The following TBC1D8 variants were observed in gnomAD, a reference collection of about 807,000 sequenced individuals.
TBC1D8 encodes TBC1 domain family member 8.
TBC1D8 carries 65 observed loss-of-function variants against 118.8 expected under a neutral mutation model. The ratio of observed to expected loss-of-function variants is 0.55; its 90% CI spans 0.45 to 0.67. The LOEUF (loss-of-function observed/expected upper bound fraction) is 0.67, where lower values mean the gene tolerates loss of function less well. Among genes scored for constraint, TBC1D8 ranks in the 30% least tolerant of loss-of-function variants. The pLI, the probability that TBC1D8 is intolerant of heterozygous loss-of-function variation, is 0.00. For missense variants in TBC1D8, 1,376 were observed against 1,471.2 expected (o/e 0.94, Z 1.06); for synonymous variants, 566 against 595.8 (o/e 0.95, Z 0.73).
intron 1 of TBC1D8, among the ~76,000 whole-genome samples, chr2:101,118,425 A>C (rs140472506): frequency 6.6e-6 from 1 of 152,156 alleles, no homozygotes; most frequent in Non-Finnish European, 1.5e-5. Flanking sequence ...AGCCGGGCAC[A>C]GTGGCTCATG....
At chr2:101,145,246 G>A (rs1376675463) in intron 1 of TBC1D8, among the ~76,000 whole-genome samples, 1 of 152,040 alleles carries the variant, frequency 6.6e-6, no homozygotes, top group African/African-American at 2.4e-5. Context: ...TGCAACTCTT[G>A]GAAACCTCAA....
intron 1 of TBC1D8, among the ~76,000 whole-genome samples, chr2:101,101,414 T>C (rs964117720): frequency 4.6e-5 from 7 of 152,290 alleles, no homozygotes; most frequent in African/African-American, 1.7e-4. Flanking sequence ...CTGGCGAGGC[T>C]GTGGAGAAAT....
At chr2:101,061,979 G>A (rs1475074031) in intron 2 of TBC1D8, among the ~76,000 whole-genome samples, 3 of 152,222 alleles carry the variant, frequency 2.0e-5, no homozygotes, top group Non-Finnish European at 4.4e-5. Flanking sequence ...TGGTTCCTCA[G>A]CTGGTCGTAA....
chr2:101,142,712 A>T (rs994134823), intron 1 of TBC1D8, among the ~76,000 whole-genome samples: 8 of 152,228 alleles, frequency 5.3e-5, no homozygotes, highest in African/African-American at 4.8e-5. Context: ...ACAAAAACAC[A>T]CAAAACTGAA....
intron 2 of TBC1D8, among the ~76,000 whole-genome samples, chr2:101,080,606 C>T (rs1347983444): frequency 2.6e-5 from 4 of 152,164 alleles, no homozygotes; most frequent in South Asian, 4.1e-4. Context: ...CTGACACACC[C>T]GCAGTGTTAC....
intron 11 of TBC1D8, 131 bp downstream of exon 11, chr2:101,032,137 C>T: frequency 1.2e-6 from 1 of 822,666 alleles, no homozygotes; most frequent in Non-Finnish European, 1.9e-6. Flanking sequence ...ATTCAGGAGT[C>T]AAACTGTGTT....
At chr2:101,076,273 A>G (rs1674810016) in intron 2 of TBC1D8, among the ~76,000 whole-genome samples, 1 of 152,220 alleles carries the variant, frequency 6.6e-6, no homozygotes, top group African/African-American at 2.4e-5. Context: ...TTCATGATCC[A>G]TAGAGAAAAA....
intron 5 of TBC1D8, among the ~76,000 whole-genome samples, chr2:101,047,208 G>A (rs1305851455): frequency 6.6e-6 from 1 of 152,148 alleles, no homozygotes; most frequent in African/African-American, 2.4e-5. Flanking sequence ...TCCCACGCCT[G>A]GCAACTCCAA....
At chr2:101,011,074 T>C in intron 18 of TBC1D8, 48 bp from the exon 19 acceptor site, 1 of 1,574,678 alleles carries the variant, frequency 6.4e-7, no homozygotes, top group Non-Finnish European at 8.7e-7. Flanking sequence ...ATAAATTCAG[T>C]GACAGCAAAA....
chr2:101,140,248 TGAGA>T (rs748933370), intron 1 of TBC1D8, among the ~76,000 whole-genome samples: 5 of 152,210 alleles, frequency 3.3e-5, no homozygotes, highest in Non-Finnish European at 7.4e-5. Flanking sequence ...TTTCCTCTAC[TGAGA>T]GAGGGAATAA....
chr2:101,134,145 C>T (rs1678723352), intron 1 of TBC1D8, among the ~76,000 whole-genome samples: 1 of 151,724 alleles, frequency 6.6e-6, no homozygotes. Flanking sequence ...TAAATATTCA[C>T]ACTTTAGCAC....
chr2:101,111,177 T>C (rs1677563014), intron 1 of TBC1D8, among the ~76,000 whole-genome samples: 2 of 152,210 alleles, frequency 1.3e-5, no homozygotes, highest in African/African-American at 4.8e-5. Context: ...TTATCCAACT[T>C]TTGAATATTG....
intron 3 of TBC1D8, among the ~76,000 whole-genome samples, chr2:101,054,780 TCA>T (rs1028276122): frequency 6.8e-6 from 1 of 146,496 alleles, no homozygotes; most frequent in Non-Finnish European, 1.5e-5. Flanking sequence ...CCTCCTGGGT[TCA>T]AGTGATTCTC....
chr2:101,057,582 T>G (rs544193161), intron 3 of TBC1D8, among the ~76,000 whole-genome samples: 2 of 152,358 alleles, frequency 1.3e-5, no homozygotes, highest in South Asian at 4.1e-4. Context: ...TCCCAGCACT[T>G]TGGGAAGCCA....
chr2:101,030,644 C>T (rs536936071), intron 11 of TBC1D8, among the ~76,000 whole-genome samples: 6 of 152,344 alleles, frequency 3.9e-5, no homozygotes, highest in African/African-American at 1.4e-4. Flanking sequence ...CCCCACAATT[C>T]TCCTAGGTAA....
At chr2:101,104,329 CCA>C (rs1260029377) in intron 1 of TBC1D8, among the ~76,000 whole-genome samples, 2 of 152,120 alleles carry the variant, frequency 1.3e-5, no homozygotes, top group African/African-American at 4.8e-5. Flanking sequence ...AATAAAAATC[CCA>C]CACACTATTT....
rs186087150 is a variant in TBC1D8 at position 101,032,975 on chromosome 2, A to G, written c.1818+569T>C. ...ATCTTCCTCCCCAAACAGCACTGCC[A>G]TTTTAAATCCTGTAATTTCTGTAGA... On this transcript the variant is annotated intron_variant, in intron 10 of 19. Coordinates refer to ENST00000409318, the MANE Select transcript of TBC1D8 (RefSeq NM_001330348.2). 1.6e-5 allele frequency: 3 copies of G among 190,164 alleles called. No homozygotes were observed. In the Admixed American group the frequency reaches 1.6e-4, roughly 10 times the overall value. 11.8% of individuals were successfully genotyped at this position (190,164 alleles called of 1,614,324 possible).
chr2:101,045,483 C>T (rs1316108918), intron 5 of TBC1D8, among the ~76,000 whole-genome samples: 1 of 152,214 alleles, frequency 6.6e-6, no homozygotes, highest in Non-Finnish European at 1.5e-5. Context: ...TGCTTCCAGG[C>T]TTAACGCGTC....
chr2:101,009,540 G>GA (rs779909753), intron 19 of TBC1D8, among the ~76,000 whole-genome samples: 164 of 150,312 alleles, frequency 1.1e-3, no homozygotes, highest in Non-Finnish European at 1.8e-3. Context: ...ATCATCTATA[G>GA]AAAAAAAAAG....
Sources: allele counts gnomAD v4.1 joint callset (sites outside exome capture counted in the v4.1 genomes callset), GRCh38; gene constraint gnomAD v4.1.1; transcripts MANE v1.5; gene names NCBI Gene and HGNC (gene_info 2026-07-23, HGNC 2026-07-21).